SCAPER: variants seen among roughly 807,000 people sequenced by gnomAD.
SCAPER encodes S-phase cyclin A associated protein in the ER, also known as S phase cyclin A-associated protein in the endoplasmic reticulum.
SCAPER carries 98 observed loss-of-function variants against 182.2 expected under a neutral mutation model. The observed-to-expected ratio is 0.54, with a 90% CI of 0.46 to 0.64. SCAPER has a LOEUF of 0.64. Ranked by LOEUF, SCAPER falls within the 30% of genes least tolerant of loss-of-function variation. SCAPER has a pLI of 0.00. For synonymous variants in SCAPER, 605 were observed against 564.6 expected (o/e 1.07, Z -1.01); for missense variants, 1,432 against 1,690.0 (o/e 0.85, Z 2.68).
intron 21 of SCAPER, among the ~76,000 whole-genome samples, chr15:76,624,517 T>C (rs2052392135): frequency 6.6e-6 from 1 of 152,208 alleles, no homozygotes; most frequent in African/African-American, 2.4e-5. Flanking sequence ...TTAAGTTACC[T>C]TTCATTTTTT....
intron 23 of SCAPER, among the ~76,000 whole-genome samples, chr15:76,559,136 G>T (rs1252792450): frequency 6.6e-6 from 1 of 151,112 alleles, no homozygotes; most frequent in African/African-American, 2.4e-5. Flanking sequence ...CCAGGTTCAA[G>T]CAATTCTCCT....
At chr15:76,831,772 C>G (rs1414466751) in intron 5 of SCAPER, among the ~76,000 whole-genome samples, 1 of 152,110 alleles carries the variant, frequency 6.6e-6, no homozygotes, top group African/African-American at 2.4e-5. Flanking sequence ...GTACCTCGGT[C>G]CCTCAAGTGC....
chr15:76,484,192 A>G (rs1165033283), intron 24 of SCAPER, among the ~76,000 whole-genome samples: 1 of 152,200 alleles, frequency 6.6e-6, no homozygotes, highest in East Asian at 1.9e-4. Flanking sequence ...ACAGAGAGAC[A>G]TGAGGGAACC....
At chr15:76,848,687 AG>A (rs2070398636) in intron 4 of SCAPER, among the ~76,000 whole-genome samples, 1 of 152,220 alleles carries the variant, frequency 6.6e-6, no homozygotes, top group Non-Finnish European at 1.5e-5. Flanking sequence ...GTGTATCTAA[AG>A]GAACATTAAA....
intron 21 of SCAPER, among the ~76,000 whole-genome samples, chr15:76,625,532 G>A (rs936425822): frequency 6.6e-6 from 1 of 152,100 alleles, no homozygotes; most frequent in Non-Finnish European, 1.5e-5. Context: ...GGCTGAGGGT[G>A]GGGAATGTCA....
chr15:76,798,008 G>A (rs541975107), intron 7 of SCAPER, among the ~76,000 whole-genome samples: 15 of 150,678 alleles, frequency 1.0e-4, no homozygotes, highest in African/African-American at 3.7e-4. Context: ...GCAACAGGAA[G>A]CCCGGACATT....
At chr15:76,682,853 A>G (rs977577462) in intron 20 of SCAPER, among the ~76,000 whole-genome samples, 3 of 152,198 alleles carry the variant, frequency 2.0e-5, no homozygotes, top group South Asian at 2.1e-4. Flanking sequence ...AGCCCACCTT[A>G]TAACACAATG....
chr15:76,682,559 T>C (rs907853304), intron 20 of SCAPER, among the ~76,000 whole-genome samples: 3 of 151,590 alleles, frequency 2.0e-5, no homozygotes, highest in Non-Finnish European at 4.4e-5. Context: ...CCAACATGAG[T>C]ATACCCCAAA....
At chr15:76,486,708 T>C (rs945865426) in intron 24 of SCAPER, among the ~76,000 whole-genome samples, 3 of 152,268 alleles carry the variant, frequency 2.0e-5, no homozygotes, top group South Asian at 2.1e-4. Context: ...CTGGCAAGGT[T>C]GTGGAGAAAA....
intron 22 of SCAPER, among the ~76,000 whole-genome samples, chr15:76,609,080 T>C (rs949665074): frequency 2.6e-5 from 4 of 152,190 alleles, no homozygotes; most frequent in African/African-American, 7.2e-5. Flanking sequence ...GGTACCTCAG[T>C]TGGAAATGCA....
intron 26 of SCAPER, among the ~76,000 whole-genome samples, chr15:76,410,966 A>G (rs953552497): frequency 6.6e-6 from 1 of 152,182 alleles, no homozygotes; most frequent in Non-Finnish European, 1.5e-5. Flanking sequence ...CTCTTGAGAT[A>G]TATTCCAAAT....
intron 24 of SCAPER, among the ~76,000 whole-genome samples, chr15:76,474,730 ATTC>A (rs2050483376): frequency 6.6e-6 from 1 of 152,214 alleles, no homozygotes; most frequent in African/African-American, 2.4e-5. Flanking sequence ...TAATCTTATT[ATTC>A]TTAATGAATA....
At chr15:76,399,114 G>GGCA (rs2044279073) in intron 27 of SCAPER, among the ~76,000 whole-genome samples, 1 of 152,148 alleles carries the variant, frequency 6.6e-6, no homozygotes, top group African/African-American at 2.4e-5. Flanking sequence ...ATAGAAAACT[G>GGCA]TTAACAGTAA....
intron 6 of SCAPER, among the ~76,000 whole-genome samples, chr15:76,802,036 C>A (rs939346877): frequency 6.6e-6 from 1 of 151,708 alleles, no homozygotes; most frequent in Non-Finnish European, 1.5e-5. Context: ...CTCAACACAG[C>A]CACCAATAGG....
intron 5 of SCAPER, among the ~76,000 whole-genome samples, chr15:76,823,501 A>G (rs1231899447): frequency 6.6e-6 from 1 of 151,000 alleles, no homozygotes; most frequent in Admixed American, 6.6e-5. Context: ...AAATAAAAAT[A>G]CAATAAATAA....
chr15:76,858,517 G>C (rs571923301), intron 3 of SCAPER, among the ~76,000 whole-genome samples: 1 of 151,898 alleles, frequency 6.6e-6, no homozygotes, highest in Non-Finnish European at 1.5e-5. Flanking sequence ...TGCTATACAG[G>C]CAAATTACGT....
At chr15:76,367,919 A>T (rs1356242260) in intron 29 of SCAPER, among the ~76,000 whole-genome samples, 1 of 152,198 alleles carries the variant, frequency 6.6e-6, no homozygotes, top group East Asian at 1.9e-4. Flanking sequence ...TTTTGGAAAA[A>T]AAAACCCACA....
rs1009980919 is a variant in SCAPER, at chr15:76,742,192, G to C, written c.1867-8808C>G. On this transcript the variant is annotated intron_variant, in intron 15 of 31. Coordinates refer to ENST00000563290, the MANE Select transcript of SCAPER (RefSeq NM_020843.4). Reference sequence around the variant, plus strand: ...AATATTCTCAAAGGCAAATATAGTTGCAGAAAGGGGAAAATCATATAAGGA... The same window carrying C: ...AATATTCTCAAAGGCAAATATAGTTCCAGAAAGGGGAAAATCATATAAGGA... Among the ~76,000 whole-genome samples, 4 of 151,856 alleles carry C rather than the reference G, an allele frequency of 2.6e-5. No homozygotes were observed. In the East Asian group the frequency reaches 5.8e-4, roughly 22 times the overall value.
intron 23 of SCAPER, among the ~76,000 whole-genome samples, chr15:76,526,450 T>C (rs957491215): frequency 6.6e-6 from 1 of 152,220 alleles, no homozygotes; most frequent in African/African-American, 2.4e-5. Context: ...GATGCCTTTA[T>C]TCAATTCTTG....
Sources: gnomAD v4.1 joint callset for allele counts (sites outside exome capture counted in the v4.1 genomes callset) on GRCh38, gnomAD v4.1.1 for gene constraint, MANE v1.5 for transcripts, NCBI Gene and HGNC (gene_info 2026-07-23, HGNC 2026-07-21) for gene names.